The following DCAF12 variants were observed in gnomAD, a reference collection of about 807,000 sequenced individuals.
DCAF12 encodes the protein DDB1- and CUL4-associated factor 12.
A neutral mutation model predicts 52.8 loss-of-function variants in DCAF12; 28 were observed. That is an observed-to-expected ratio of 0.53 (90% CI 0.39 to 0.73). The LOEUF (loss-of-function observed/expected upper bound fraction) is 0.73. Among genes scored for constraint, DCAF12 ranks in the 30% least tolerant of loss-of-function variants. DCAF12 has a pLI of 0.00. For synonymous variants in DCAF12, 196 were observed against 215.5 expected (o/e 0.91, Z 0.79); for missense variants, 425 against 552.2 (o/e 0.77, Z 2.31).
At chr9:34,106,563 A>T in intron 3 of DCAF12, 69 bp from the exon 4 acceptor site, 1 of 1,309,670 alleles carries the variant, frequency 7.6e-7, no homozygotes, top group South Asian at 1.2e-5. Context: ...ATTGTAATAA[A>T]CTCTCTAAAG....
chr9:34,126,450 G>T lies in DCAF12; in HGVS notation c.-19C>A, dbSNP rs1243656951. On this transcript the variant is annotated 5_prime_UTR_variant, in exon 1 of 9. Coordinates refer to ENST00000361264, the MANE Select transcript of DCAF12 (RefSeq NM_015397.4). ...GGGCCATAGTGGGCAGCGCCGCCGCGGCCCCGCAGCCACATGGGGCGGGGG... is the reference window on the plus strand; with the variant it reads ...GGGCCATAGTGGGCAGCGCCGCCGCTGCCCCGCAGCCACATGGGGCGGGGG... 15 of 1,600,624 alleles carry T rather than the reference G, an allele frequency of 9.4e-6. No individual in the cohort carries two copies. Among genetic ancestry groups the T allele is most frequent in the Non-Finnish European group, 1.3e-5 (15 of 1,178,346 alleles).
At chr9:34,091,661 A>G (rs540915529) in intron 7 of DCAF12, among the ~76,000 whole-genome samples, 1 of 148,476 alleles carries the variant, frequency 6.7e-6, no homozygotes, top group South Asian at 2.1e-4. Flanking sequence ...AAAAAAAAAA[A>G]CCACAAAAAA....
At chr9:34,117,310 C>T (rs1330964427) in intron 2 of DCAF12, among the ~76,000 whole-genome samples, 1 of 150,968 alleles carries the variant, frequency 6.6e-6, no homozygotes, top group Non-Finnish European at 1.5e-5. Flanking sequence ...ACCACCACGC[C>T]CGGCTAATTT....
chr9:34,105,844 G>A (rs1459640670), intron 4 of DCAF12, among the ~76,000 whole-genome samples: 1 of 151,500 alleles, frequency 6.6e-6, no homozygotes, highest in Non-Finnish European at 1.5e-5. Context: ...TGCCTGCCGG[G>A]TTCAAGCAAT....
chr9:34,125,319 C>G (rs775926966), intron 1 of DCAF12, 42 bp from the exon 2 acceptor site: 1 of 1,605,836 alleles, frequency 6.2e-7, no homozygotes, highest in Non-Finnish European at 8.5e-7. Flanking sequence ...GGCTACTCTT[C>G]TTCAGAACAG....
Position 34,109,177 on chromosome 9 carries a change from C to T in DCAF12, c.334-1612G>A, listed in dbSNP as rs1035599770. The stretch of plus-strand genomic sequence containing the variant: ...TACCCAAAAACAGAAGGCTCTAGGC[C>T]ACCTCCTCATAGGCCCACTCCTCAA... On this transcript the variant is annotated intron_variant, in intron 2 of 8. Transcript: ENST00000361264. 5 of 152,864 alleles carry T rather than the reference C, an allele frequency of 3.3e-5. No homozygotes were observed. The East Asian group carries it at 7.7e-4, about 24-fold the overall frequency. The allele number at this position is 152,864 out of a possible 1,614,324, so 9.5% of individuals were successfully genotyped here. A position where few individuals can be genotyped will look rare whatever the true frequency, so the allele number is the denominator to read the frequency against.
In DCAF12 at chr9:34,118,710, T is replaced by A. The variant is rs573885281; in HGVS notation, c.333+6313A>T. On this transcript the variant is annotated intron_variant, in intron 2 of 8. Transcript: ENST00000361264. ...CGGGCGTGGTGGGTCATGCATATAA[T>A]CCCAGCTCTTTGGGAGGCAGAGGTG... Among the ~76,000 whole-genome samples the A allele has an allele frequency of 2.0e-5, 3 of 152,228 alleles. No homozygotes were observed. The East Asian group carries it at 5.8e-4, about 29-fold the overall frequency.
intron 2 of DCAF12, among the ~76,000 whole-genome samples, chr9:34,108,820 T>C (rs1161138615): frequency 4.1e-5 from 6 of 146,674 alleles, no homozygotes; most frequent in Admixed American, 6.9e-5. Context: ...TAAATATATA[T>C]ATATATATAT....
rs1486896261 is a variant in DCAF12, at chr9:34,087,630, G to T, written c.*720C>A. 2 of 152,086 alleles carry T rather than the reference G, an allele frequency of 1.3e-5. No individual in the cohort carries two copies. Among genetic ancestry groups the T allele is most frequent in the African/African-American group, 4.8e-5 (2 of 41,420 alleles). The allele number at this position is 152,086 out of a possible 1,614,324, so 9.4% of individuals were successfully genotyped here. ...CACAGGTGGGAAGACAGGTAGGGCT[G>T]GATCACTTTGCAGTCCTGGCATGGG... is the stretch of plus-strand genomic sequence containing the variant. On this transcript the variant is annotated 3_prime_UTR_variant, in exon 9 of 9. Coordinates refer to ENST00000361264, the MANE Select transcript of DCAF12 (RefSeq NM_015397.4).
intron 6 of DCAF12, among the ~76,000 whole-genome samples, chr9:34,095,546 T>C (rs1015490837): frequency 1.3e-5 from 2 of 151,688 alleles, no homozygotes; most frequent in African/African-American, 4.8e-5. Flanking sequence ...TGCCACAATG[T>C]ATGGCTAATT....
At chr9:34,108,810 TAA>T (rs1491220281) in intron 2 of DCAF12, among the ~76,000 whole-genome samples, 7 of 120,366 alleles carry the variant, frequency 5.8e-5, no homozygotes, top group African/African-American at 5.8e-5. Context: ...AATAAATAAA[TAA>T]ATATATATAT....
intron 4 of DCAF12, 83 bp from the exon 5 acceptor site, chr9:34,098,600 G>A: frequency 7.0e-7 from 1 of 1,432,822 alleles, no homozygotes. Flanking sequence ...GGCTTTCATA[G>A]TCTAGCTGTT....
chr9:34,098,726 A>C (rs573165646), intron 4 of DCAF12, among the ~76,000 whole-genome samples: 51 of 152,364 alleles, frequency 3.3e-4, no homozygotes, highest in Non-Finnish European at 7.1e-4. Context: ...CTAGGCATTA[A>C]AATATAACTT....
At chr9:34,107,714 C>A in intron 2 of DCAF12, 149 bp from the exon 3 acceptor site, 1 of 658,858 alleles carries the variant, frequency 1.5e-6, no homozygotes, top group Non-Finnish European at 2.6e-6. Context: ...ATGGTCAGGA[C>A]TACTAATGAC....
At chr9:34,089,067 C>A (rs1343731551) in intron 8 of DCAF12, among the ~76,000 whole-genome samples, 1 of 147,898 alleles carries the variant, frequency 6.8e-6, no homozygotes, top group Non-Finnish European at 1.5e-5. Context: ...AAGCTATGAT[C>A]ACACCACTAC....
chr9:34,113,874 C>T (rs145111500), intron 2 of DCAF12, among the ~76,000 whole-genome samples: 4 of 151,574 alleles, frequency 2.6e-5, no homozygotes, highest in African/African-American at 9.7e-5. Flanking sequence ...TTTGGGAGGC[C>T]AAGGCAGGCG....
intron 2 of DCAF12, among the ~76,000 whole-genome samples, chr9:34,122,473 ATT>A (rs762013826): frequency 9.4e-5 from 12 of 127,664 alleles, no homozygotes; most frequent in African/African-American, 1.8e-4. Context: ...ATTAGTATCA[ATT>A]TTTTTTTTTT....
chr9:34,111,986 A>C (rs1829010943), intron 2 of DCAF12, among the ~76,000 whole-genome samples: 1 of 151,536 alleles, frequency 6.6e-6, no homozygotes, highest in Admixed American at 6.6e-5. Flanking sequence ...AATACAAAAA[A>C]AAAAAAATTA....
At chr9:34,118,446 C>G (rs1829119875) in intron 2 of DCAF12, among the ~76,000 whole-genome samples, 5 of 152,022 alleles carry the variant, frequency 3.3e-5, no homozygotes, top group Admixed American at 3.3e-4. Flanking sequence ...AAATTGATTT[C>G]TATATACTCA....
Sources: allele counts gnomAD v4.1 joint callset (sites outside exome capture counted in the v4.1 genomes callset), GRCh38; gene constraint gnomAD v4.1.1; transcripts MANE v1.5; gene names NCBI Gene and HGNC (gene_info 2026-07-23, HGNC 2026-07-21).